Variants in ERP44 observed in about 807,000 individuals in gnomAD.
The protein encoded by ERP44 is endoplasmic reticulum protein 44.
ERP44 carries 25 observed loss-of-function variants against 53.4 expected under a neutral mutation model. The observed-to-expected ratio is 0.47, with a 90% CI of 0.34 to 0.65. ERP44 has a LOEUF of 0.65. Ranked by LOEUF, ERP44 falls within the 30% of genes least tolerant of loss-of-function variation. ERP44 has a pLI of 0.01. For missense variants in ERP44, 338 were observed against 493.2 expected (o/e 0.69, Z 2.98); for synonymous variants, 145 against 161.2 (o/e 0.90, Z 0.76).
intron 1 of ERP44, among the ~76,000 whole-genome samples, chr9:100,072,963 A>T (rs145355843): frequency 2.0e-3 from 303 of 152,356 alleles, no homozygotes; most frequent in African/African-American, 6.9e-3. Context: ...AATGAGGTAT[A>T]GGATGTCCTT....
At chr9:100,068,270 C>T (rs570658186) in intron 1 of ERP44, among the ~76,000 whole-genome samples, 1 of 146,310 alleles carries the variant, frequency 6.8e-6, no homozygotes, top group Non-Finnish European at 1.5e-5. Flanking sequence ...TCTGCCCAGC[C>T]GCCCCTACTG....
chr9:100,049,763 A>G (rs1301014933), intron 4 of ERP44, among the ~76,000 whole-genome samples: 1 of 152,208 alleles, frequency 6.6e-6, no homozygotes, highest in African/African-American at 2.4e-5. Context: ...ACATCTAGGT[A>G]TTTGCTCAGG....
At chr9:100,063,075 C>CA (rs58004954) in intron 1 of ERP44, among the ~76,000 whole-genome samples, 1,729 of 40,076 alleles carry the variant, frequency 0.043, 268 homozygotes, top group Non-Finnish European at 0.054. Context: ...CCCTGTCTCA[C>CA]AAAAAAAAAA....
Position 100,052,306 on chromosome 9 carries a change from AAAAAAAAAGAAAAGG to A in ERP44, c.286+96_286+110del, listed in dbSNP as rs1258701119. 319 of 507,594 alleles carry A rather than the reference AAAAAAAAAGAAAAGG, an allele frequency of 6.3e-4. 2 individuals are homozygous for A. Among genetic ancestry groups the A allele is most frequent in the African/African-American group, 5.9e-3 (298 of 50,330 alleles). The allele number at this position is 507,594 out of a possible 1,614,324, so 31.4% of individuals were successfully genotyped here. Reference sequence around the variant, plus strand: ...CTCCACTTAAAAGCAGAGCATTTAAAAAAAAAAAGAAAAGGAAAAAAAAAGAAAAGAAAAGAAAAG... The same window carrying A: ...CTCCACTTAAAAGCAGAGCATTTAAAAAAAAAAAAGAAAAGAAAAGAAAAG... On this transcript the variant is annotated intron_variant, in intron 4 of 11. Coordinates refer to ENST00000262455, the MANE Select transcript of ERP44 (RefSeq NM_015051.3).
intron 4 of ERP44, among the ~76,000 whole-genome samples, chr9:100,022,542 A>G (rs1035654227): frequency 6.6e-6 from 1 of 152,226 alleles, no homozygotes; most frequent in Non-Finnish European, 1.5e-5. Context: ...TGTCTTAAGT[A>G]TCAAATTAAA....
At chr9:99,991,608 G>C (rs539920195) in intron 10 of ERP44, among the ~76,000 whole-genome samples, 3 of 152,250 alleles carry the variant, frequency 2.0e-5, no homozygotes, top group African/African-American at 7.2e-5. Context: ...AAAATAACTA[G>C]AGAAGCAAGA....
At chr9:100,006,853 T>C (rs1830429608) in intron 9 of ERP44, among the ~76,000 whole-genome samples, 1 of 152,212 alleles carries the variant, frequency 6.6e-6, no homozygotes, top group East Asian at 1.9e-4. Flanking sequence ...ATAACTTCTT[T>C]AGAAATCATA....
chr9:100,027,110 T>C (rs1221534196), intron 4 of ERP44, among the ~76,000 whole-genome samples: 1 of 152,162 alleles, frequency 6.6e-6, no homozygotes, highest in Non-Finnish European at 1.5e-5. Context: ...TATCCAGTGT[T>C]GTGATAAGCA....
At chr9:100,090,373 A>G (rs763131415) in intron 1 of ERP44, among the ~76,000 whole-genome samples, 6 of 152,210 alleles carry the variant, frequency 3.9e-5, no homozygotes, top group Non-Finnish European at 8.8e-5. Flanking sequence ...CAGCTGTTCT[A>G]TAAGCAAAGA....
intron 1 of ERP44, among the ~76,000 whole-genome samples, chr9:100,089,776 A>G (rs1020593499): frequency 1.3e-5 from 2 of 152,070 alleles, no homozygotes; most frequent in Admixed American, 6.6e-5. Context: ...ACTATTGTTG[A>G]TCTCTTACTG....
intron 7 of ERP44, among the ~76,000 whole-genome samples, chr9:100,017,142 A>G (rs1830532753): frequency 6.6e-6 from 1 of 152,238 alleles, no homozygotes; most frequent in Non-Finnish European, 1.5e-5. Context: ...TCAATTATCT[A>G]TGAAGTGTCT....
At chr9:100,013,855 G>A (rs1830501399) in intron 8 of ERP44, among the ~76,000 whole-genome samples, 1 of 152,168 alleles carries the variant, frequency 6.6e-6, no homozygotes, top group African/African-American at 2.4e-5. Context: ...AATGTTCATA[G>A]CAGCATTATT....
chr9:99,980,261 G>A lies in ERP44; in HGVS notation c.*2351C>T, dbSNP rs1175070791. On this transcript the variant is annotated 3_prime_UTR_variant, in exon 12 of 12. Coordinates refer to ENST00000262455, the MANE Select transcript of ERP44 (RefSeq NM_015051.3). Reference sequence around the variant, plus strand: ...TGACTAGGCTGTGAACAACTCTAGGGCAGAAATAATGCTTTATTCAGCTTT... The same window carrying A: ...TGACTAGGCTGTGAACAACTCTAGGACAGAAATAATGCTTTATTCAGCTTT... The A allele has an allele frequency of 1.3e-5, 5 of 391,452 alleles. No individual in the cohort carries two copies. In the East Asian group the frequency reaches 1.8e-4, roughly 14 times the overall value. 24.2% of individuals were successfully genotyped at this position (391,452 alleles called of 1,614,324 possible). A position where few individuals can be genotyped will look rare whatever the true frequency, so the allele number is the denominator to read the frequency against.
intron 4 of ERP44, among the ~76,000 whole-genome samples, chr9:100,039,849 T>TA (rs1262323520): frequency 3.3e-5 from 5 of 152,088 alleles, no homozygotes; most frequent in Non-Finnish European, 5.9e-5. Context: ...TCACAACTGA[T>TA]ACCACAGAAA....
chr9:100,067,445 G>A (rs1031886241), intron 1 of ERP44, among the ~76,000 whole-genome samples: 13 of 152,198 alleles, frequency 8.5e-5, no homozygotes, highest in East Asian at 1.9e-4. Context: ...CGCCAGCCTC[G>A]GCCTCCCGAG....
At chr9:100,030,187 C>G (rs1443399303) in intron 4 of ERP44, among the ~76,000 whole-genome samples, 1 of 152,168 alleles carries the variant, frequency 6.6e-6, no homozygotes, top group East Asian at 1.9e-4. Context: ...CCTTACTTTC[C>G]TAATAAACTT....
intron 1 of ERP44, among the ~76,000 whole-genome samples, chr9:100,068,040 T>C (rs1263967145): frequency 5.6e-4 from 52 of 93,242 alleles, no homozygotes; most frequent in East Asian, 6.9e-4. Context: ...GGGGGGTCAG[T>C]CCCCCGCCCG....
chr9:100,076,193 C>A (rs1490399932), intron 1 of ERP44, among the ~76,000 whole-genome samples: 2 of 152,222 alleles, frequency 1.3e-5, no homozygotes, highest in East Asian at 3.8e-4. Context: ...TGGGTGCTTT[C>A]TGACCCATCT....
intron 1 of ERP44, among the ~76,000 whole-genome samples, chr9:100,078,833 C>T (rs1826388234): frequency 6.6e-6 from 1 of 152,064 alleles, no homozygotes; most frequent in Non-Finnish European, 1.5e-5. Context: ...TTATTGACTT[C>T]ATATCAGCAT....
Sources: allele counts gnomAD v4.1 joint callset (sites outside exome capture counted in the v4.1 genomes callset), GRCh38; gene constraint gnomAD v4.1.1; transcripts MANE v1.5; gene names NCBI Gene and HGNC (gene_info 2026-07-23, HGNC 2026-07-21).